ERAS: variants seen among roughly 807,000 people sequenced by gnomAD.
The protein encoded by ERAS is GTPase ERas.
For synonymous variants in ERAS, 87 were observed against 89.1 expected (o/e 0.98, Z 0.13); for missense variants, 137 against 199.2 (o/e 0.69, Z 1.88).
chrX:48,829,053 G>A lies in ERAS; in HGVS notation c.-43-28G>A. 13 of 956,523 alleles carry A rather than the reference G, an allele frequency of 1.4e-5. No individual in the cohort carries two copies. The South Asian group carries it at 3.2e-4, about 24-fold the overall frequency. The allele number at this position is 956,523 out of a possible 1,213,427, so 78.8% of individuals were successfully genotyped here. On this transcript the variant is annotated intron_variant, in intron 1 of 1. Transcript: ENST00000636362. ...GGTCTCCCCTAACGTATCCCCTGTT[G>A]TCTTGCTTCTTCTCTTCCCACTTGC...
intron 1 of ERAS, among the ~76,000 whole-genome samples, chrX:48,827,469 C>G (rs1311746901): frequency 9.0e-6 from 1 of 111,721 alleles, no homozygotes; most frequent in Non-Finnish European, 1.9e-5. Context: ...ATCCCGCCCC[C>G]GCTCCTTCTG....
chrX:48,829,309 C>T lies in ERAS; in HGVS notation c.186C>T (p.Asn62=). Residue 62 remains asparagine, a synonymous_variant, in exon 2 of 2, where the codon AAC becomes AAT. Coordinates refer to ENST00000636362, the MANE Select transcript of ERAS (RefSeq NM_181532.3). ...VGKSALTIQL[N]HQCFVEDHDP... ...AGAGTGCGCTGACCATCCAGCTGAA[C>T]CACCAGTGCTTCGTGGAGGACCACG... The T allele has an allele frequency of 8.2e-7, 1 of 1,212,331 alleles. No individual in the cohort carries two copies. The highest frequency in any genetic ancestry group is 1.1e-6 in the Non-Finnish European group (1 of 895,544).
chrX:48,828,686 A>C (rs2063165196), intron 1 of ERAS, among the ~76,000 whole-genome samples: 1 of 111,197 alleles, frequency 9.0e-6, no homozygotes, highest in Non-Finnish European at 1.9e-5. Flanking sequence ...AGGAACTGCT[A>C]ATGGGCATGG....
At position 48,829,792 on chromosome X, in the gene ERAS, G is replaced by A. The variant is rs2063167948; in HGVS notation, c.669G>A (p.Lys223=). ...RSCREKTRHQ[K]ATCHCGCSVA ...GTAGGGAGAAGACCCGGCACCAGAA[G>A]GCCACCTGCCACTGTGGCTGCTCTG... The change falls in exon 2 of 2, where the codon AAG becomes AAA. Residue 223 remains lysine, a synonymous_variant. Coordinates refer to ENST00000636362, the MANE Select transcript of ERAS (RefSeq NM_181532.3). 2 of 1,166,536 alleles carry A rather than the reference G, an allele frequency of 1.7e-6. No individual in the cohort carries two copies. The highest frequency in any genetic ancestry group is 1.1e-6 in the Non-Finnish European group (1 of 871,495).
Position 48,829,835 on chromosome X carries a change from C to G in ERAS, c.*10C>G, listed in dbSNP as rs782286340. 1.1e-5 allele frequency: 12 copies of G among 1,114,861 alleles called. No individual in the cohort carries two copies. The African/African-American group carries it at 2.2e-4, about 21-fold the overall frequency. 91.9% of individuals were successfully genotyped at this position (1,114,861 alleles called of 1,213,427 possible). A position where few individuals can be genotyped will look rare whatever the true frequency, so the allele number is the denominator to read the frequency against. ...CTGCTCTGTGGCCTGAAGGTCTTGG[C>G]CAAGAAATGTAGACCTTTCCCCAGG... On this transcript the variant is annotated 3_prime_UTR_variant, in exon 2 of 2. Transcript: ENST00000636362.
rs782285333 is a variant in ERAS at position 48,829,781 on chromosome X, C to T, written c.658C>T (p.Arg220Trp). ...PMARSCREKTRHQKATCHCGC... is the reference protein window; with the variant it reads ...PMARSCREKTWHQKATCHCGC... ...GGCAAGGTCCTGTAGGGAGAAGACC[C>T]GGCACCAGAAGGCCACCTGCCACTG... The change falls in exon 2 of 2, where the codon CGG (arginine) becomes TGG (tryptophan). Residue 220 changes from arginine to tryptophan, a missense_variant. Arg to Trp is a moderately radical substitution (Grantham distance 101). Coordinates refer to ENST00000636362, the MANE Select transcript of ERAS (RefSeq NM_181532.3). 6 of 1,171,520 alleles carry T rather than the reference C, an allele frequency of 5.1e-6. No homozygotes were observed. Among genetic ancestry groups the T allele is most frequent in the Non-Finnish European group, 6.9e-6 (6 of 874,375 alleles).
Position 48,829,824 on chromosome X carries a change from G to A in ERAS, c.701G>A (p.Ter234=), listed in dbSNP as rs781916482. ...TGCCACTGTGGCTGCTCTGTGGCCT[G>A]AAGGTCTTGGCCAAGAAATGTAGAC... is the stretch of plus-strand genomic sequence containing the variant. ...ATCHCGCSVA[*] The change falls in exon 2 of 2, where the codon TGA becomes TAA. Residue 234 remains the stop codon, a stop_retained_variant. Coordinates refer to ENST00000636362, the MANE Select transcript of ERAS (RefSeq NM_181532.3). 2 of 1,131,555 alleles carry A rather than the reference G, an allele frequency of 1.8e-6. No homozygotes were observed. The highest frequency in any genetic ancestry group is 2.3e-6 in the Non-Finnish European group (2 of 854,111). 93.3% of individuals were successfully genotyped at this position (1,131,555 alleles called of 1,213,427 possible).
At position 48,829,863 on chromosome X, in the gene ERAS, AG is replaced by A; in HGVS notation, c.*41del. The A allele has an allele frequency of 9.4e-7, 1 of 1,063,209 alleles. No homozygotes were observed. Among genetic ancestry groups the A allele is most frequent in the Non-Finnish European group, 1.2e-6 (1 of 807,076 alleles). The allele number at this position is 1,063,209 out of a possible 1,213,427, so 87.6% of individuals were successfully genotyped here. On this transcript the variant is annotated 3_prime_UTR_variant, in exon 2 of 2. Coordinates refer to ENST00000636362, the MANE Select transcript of ERAS (RefSeq NM_181532.3). Reference sequence around the variant, plus strand: ...AGAAATGTAGACCTTTCCCCAGGCCAGGGTGATTGTTCATTTGACATGAGAC... The same window carrying A: ...AGAAATGTAGACCTTTCCCCAGGCCAGGTGATTGTTCATTTGACATGAGAC...
In ERAS at chrX:48,829,607, G is replaced by GAGCAT; in HGVS notation, c.484_485insAGCAT (p.Ala162GlufsTer82). On this transcript the variant is annotated frameshift_variant, in exon 2 of 2. Coordinates refer to ENST00000636362, the MANE Select transcript of ERAS (RefSeq NM_181532.3). LOFTEE classifies it low-confidence loss of function (END_TRUNC). Reference sequence around the variant, plus strand: ...TGACCTTGTGACCACTGCTGGAGATGCTCATGCCGCTGCTGCAGCCCTCGC... The same window carrying GAGCAT: ...TGACCTTGTGACCACTGCTGGAGATGAGCATCTCATGCCGCTGCTGCAGCCCTCGC... 8.3e-7 allele frequency: 1 copy of GAGCAT among 1,209,175 alleles called. No individual in the cohort carries two copies. Among genetic ancestry groups the GAGCAT allele is most frequent in the East Asian group, 3.0e-5 (1 of 33,800 alleles).
Position 48,829,073 on chromosome X carries a change from A to C in ERAS, c.-43-8A>C. ...CTGTTGTCTTGCTTCTTCTCTTCCCACTTGCAGAGCCTGCTGCCCACGTCT... is the reference window on the plus strand; with the variant it reads ...CTGTTGTCTTGCTTCTTCTCTTCCCCCTTGCAGAGCCTGCTGCCCACGTCT... On this transcript the variant is annotated splice_polypyrimidine_tract_variant and splice_region_variant and intron_variant, in intron 1 of 1. Coordinates refer to ENST00000636362, the MANE Select transcript of ERAS (RefSeq NM_181532.3). The C allele has an allele frequency of 2.9e-6, 3 of 1,041,318 alleles. No individual in the cohort carries two copies. Among genetic ancestry groups the C allele is most frequent in the Non-Finnish European group, 3.8e-6 (3 of 794,818 alleles). 85.8% of individuals were successfully genotyped at this position (1,041,318 alleles called of 1,213,427 possible).
intron 1 of ERAS, among the ~76,000 whole-genome samples, chrX:48,827,564 A>T (rs1229749711): frequency 9.0e-6 from 1 of 110,641 alleles, no homozygotes; most frequent in African/African-American, 3.3e-5. Flanking sequence ...CCTTGCCCCG[A>T]CTCCGACCTC....
At chrX:48,828,125 C>T (rs2063164055) in intron 1 of ERAS, among the ~76,000 whole-genome samples, 1 of 105,928 alleles carries the variant, frequency 9.4e-6, no homozygotes, top group African/African-American at 3.5e-5. Flanking sequence ...CTCCCGGGTT[C>T]AAGCGATTCT....
chrX:48,828,308 G>A (rs1423849819), intron 1 of ERAS, among the ~76,000 whole-genome samples: 2 of 111,481 alleles, frequency 1.8e-5, no homozygotes, highest in Admixed American at 9.5e-5. Context: ...GATTACAGGC[G>A]TGAGCCATTG....
rs2063167596 is a variant in ERAS at position 48,829,712 on chromosome X, C to T, written c.589C>T (p.His197Tyr). Reference protein sequence around the residue: ...GVEEAFSLLVHEIQRVQEAMA... With the variant: ...GVEEAFSLLVYEIQRVQEAMA... ...GGAGGAGGCCTTTTCCCTGCTGGTC[C>T]ATGAGATCCAGAGGGTCCAGGAGGC... The change falls in exon 2 of 2, where the codon CAT (histidine) becomes TAT (tyrosine). Residue 197 changes from histidine to tyrosine, a missense_variant. His to Tyr is a moderately conservative substitution (Grantham distance 83, BLOSUM62 2). Transcript: ENST00000636362. 4 of 1,206,446 alleles carry T rather than the reference C, an allele frequency of 3.3e-6. No homozygotes were observed. The highest frequency in any genetic ancestry group is 3.4e-6 in the Non-Finnish European group (3 of 892,705).
In ERAS at chrX:48,829,631, G is replaced by A. The variant is rs373994632; in HGVS notation, c.508G>A (p.Ala170Thr). 2 of 1,209,903 alleles carry A rather than the reference G, an allele frequency of 1.7e-6. No individual in the cohort carries two copies. The highest frequency in any genetic ancestry group is 3.0e-5 in the East Asian group (1 of 33,804). Residue 170 changes from alanine to threonine, a missense_variant, in exon 2 of 2, where the codon GCA becomes ACA. Transcript: ENST00000636362. ...TGCTCATGCCGCTGCTGCAGCCCTC[G>A]CACACAGCTGGGGGGCCCACTTCGT... The part of the protein sequence containing the change: ...GDAHAAAAAL[A>T]HSWGAHFVET...
intron 1 of ERAS, 61 bp from the exon 2 acceptor site, chrX:48,829,020 C>A: frequency 3.1e-6 from 2 of 646,167 alleles, no homozygotes; most frequent in Non-Finnish European, 4.4e-6. Flanking sequence ...GTCTCCTTGC[C>A]CTCAAATGGT....
intron 1 of ERAS, among the ~76,000 whole-genome samples, chrX:48,828,069 A>G (rs1602289987): frequency 1.2e-5 from 1 of 85,553 alleles, no homozygotes; most frequent in African/African-American, 4.8e-5. Flanking sequence ...CTTATCTCCC[A>G]GGCTGGAGTG....
chrX:48,827,140 A>G (rs1269683182), intron 1 of ERAS, among the ~76,000 whole-genome samples: 4 of 111,309 alleles, frequency 3.6e-5, no homozygotes, highest in Non-Finnish European at 7.6e-5. Flanking sequence ...GGACTGGGCG[A>G]GTGTGGCCCC....
intron 1 of ERAS, among the ~76,000 whole-genome samples, chrX:48,828,180 C>G (rs377173238): frequency 9.1e-6 from 1 of 109,903 alleles, no homozygotes; most frequent in Non-Finnish European, 1.9e-5. Context: ...GCGTCCACCA[C>G]CACTCCTGGC....
Sources: allele counts gnomAD v4.1 joint callset (sites outside exome capture counted in the v4.1 genomes callset), GRCh38; gene constraint gnomAD v4.1.1; transcripts MANE v1.5; gene names NCBI Gene and HGNC (gene_info 2026-07-23, HGNC 2026-07-21).